Variants in MAP7 observed in about 807,000 individuals in gnomAD.
MAP7 encodes ensconsin.
Under a neutral mutation model 94.8 loss-of-function variants are expected in MAP7, and 52 were observed. The observed-to-expected ratio is 0.55, with a 90% CI of 0.44 to 0.69. The LOEUF is 0.69. Ranked by LOEUF, MAP7 falls within the 30% of genes least tolerant of loss-of-function variation. MAP7 has a pLI of 0.00. For missense variants in MAP7, 940 were observed against 964.6 expected (o/e 0.97, Z 0.34); for synonymous variants, 350 against 357.0 (o/e 0.98, Z 0.22).
At chr6:136,524,650 T>G (rs1827337321) in intron 1 of MAP7, among the ~76,000 whole-genome samples, 1 of 152,244 alleles carries the variant, frequency 6.6e-6, no homozygotes, top group Admixed American at 6.5e-5. Flanking sequence ...CTGTGTACTG[T>G]CTCATAAAAA....
At chr6:136,497,379 C>A (rs370562119) in intron 1 of MAP7, among the ~76,000 whole-genome samples, 1 of 151,944 alleles carries the variant, frequency 6.6e-6, no homozygotes, top group Admixed American at 6.6e-5. Context: ...GGTAGTTTAT[C>A]TTTGCAGGTG....
chr6:136,446,271 C>T (rs755171191), intron 1 of MAP7, among the ~76,000 whole-genome samples: 15 of 150,578 alleles, frequency 1.0e-4, no homozygotes, highest in Non-Finnish European at 1.9e-4. Flanking sequence ...GTGGATAGGG[C>T]GCAGCGTAGG....
intron 1 of MAP7, among the ~76,000 whole-genome samples, chr6:136,488,428 T>C (rs1024073520): frequency 3.3e-5 from 5 of 151,432 alleles, no homozygotes; most frequent in Admixed American, 6.6e-5. Context: ...ATTCTTGCTA[T>C]GTGCCATGCT....
At chr6:136,401,765 G>T (rs186093699) in intron 3 of MAP7, among the ~76,000 whole-genome samples, 4 of 148,500 alleles carry the variant, frequency 2.7e-5, no homozygotes, top group East Asian at 3.9e-4. Flanking sequence ...ATGTACCCAA[G>T]AACTTAAAGT....
At chr6:136,402,390 T>G (rs991786145) in intron 3 of MAP7, among the ~76,000 whole-genome samples, 1 of 152,230 alleles carries the variant, frequency 6.6e-6, no homozygotes, top group Non-Finnish European at 1.5e-5. Flanking sequence ...ACTCAAAGCC[T>G]TCTCAACTTG....
intron 1 of MAP7, among the ~76,000 whole-genome samples, chr6:136,452,193 CAAACA>C (rs71006801): frequency 0.037 from 5,377 of 145,662 alleles, 281 homozygotes; most frequent in African/African-American, 0.11. Flanking sequence ...GACTCCGTCT[CAAACA>C]AAACAAAACA....
At chr6:136,441,556 C>G (rs367880181) in intron 1 of MAP7, among the ~76,000 whole-genome samples, 19 of 152,136 alleles carry the variant, frequency 1.2e-4, no homozygotes, top group East Asian at 7.7e-4. Context: ...ATTCTTCCTT[C>G]CCCTTTTTTG....
At chr6:136,376,223 A>C (rs1250150763) in intron 7 of MAP7, among the ~76,000 whole-genome samples, 1 of 151,714 alleles carries the variant, frequency 6.6e-6, no homozygotes. Context: ...CTCAGCCTCC[A>C]CAGTAGCTGG....
intron 1 of MAP7, among the ~76,000 whole-genome samples, chr6:136,502,572 G>C (rs1473332932): frequency 6.6e-6 from 1 of 152,196 alleles, no homozygotes; most frequent in Non-Finnish European, 1.5e-5. Flanking sequence ...GGATGAATGT[G>C]GCATTCCTGC....
chr6:136,395,159 C>T (rs1022023096), intron 3 of MAP7, among the ~76,000 whole-genome samples: 2 of 151,162 alleles, frequency 1.3e-5, no homozygotes, highest in South Asian at 4.2e-4. Flanking sequence ...TCTTCCATAG[C>T]GGCTACACTA....
In MAP7 at chr6:136,454,272, GATCTATCTATCTATCT is replaced by G. The variant is rs57308742; in HGVS notation, c.68-32489_68-32474del. On this transcript the variant is annotated intron_variant, in intron 1 of 17. Transcript: ENST00000354570. ...CATGAAGACTTAACCCTACCTAAAT[GATCTATCTATCTATCT>G]ATCTATCTATCTATCTATCTATCTA... Among the ~76,000 whole-genome samples, 73 of 141,472 alleles carry G rather than the reference GATCTATCTATCTATCT, an allele frequency of 5.2e-4. 1 individual carries two copies. The highest frequency in any genetic ancestry group is 1.5e-3 in the African/African-American group (58 of 37,464). The allele number at this position is 141,472 out of a possible 152,430, so 92.8% of individuals were successfully genotyped here.
intron 2 of MAP7, among the ~76,000 whole-genome samples, chr6:136,415,241 A>C (rs1788992708): frequency 6.6e-6 from 1 of 152,168 alleles, no homozygotes; most frequent in African/African-American, 2.4e-5. Flanking sequence ...AAACTGCCGC[A>C]CCCAGCCTCA....
At chr6:136,493,217 G>T (rs202099039) in intron 1 of MAP7, among the ~76,000 whole-genome samples, 1 of 150,210 alleles carries the variant, frequency 6.7e-6, no homozygotes, top group East Asian at 2.0e-4. Flanking sequence ...CTGCCTCCTG[G>T]GTTCAAGCGA....
At chr6:136,508,869 A>G (rs1281504064) in intron 1 of MAP7, among the ~76,000 whole-genome samples, 1 of 152,216 alleles carries the variant, frequency 6.6e-6, no homozygotes, top group African/African-American at 2.4e-5. Context: ...GAATGACTAC[A>G]TAGGTTTCAC....
intron 3 of MAP7, among the ~76,000 whole-genome samples, chr6:136,395,842 C>T (rs1374986404): frequency 6.6e-6 from 1 of 152,024 alleles, no homozygotes; most frequent in Non-Finnish European, 1.5e-5. Flanking sequence ...TTCTTGGTAC[C>T]TTTGTTGAAA....
intron 3 of MAP7, among the ~76,000 whole-genome samples, chr6:136,409,535 G>C (rs1204825472): frequency 6.6e-6 from 1 of 152,144 alleles, no homozygotes; most frequent in Non-Finnish European, 1.5e-5. Context: ...AAGCATGTTG[G>C]GTCTCTCAGC....
At chr6:136,525,351 G>A (rs992684365) in intron 1 of MAP7, among the ~76,000 whole-genome samples, 4 of 152,144 alleles carry the variant, frequency 2.6e-5, no homozygotes, top group African/African-American at 9.7e-5. Context: ...AGTATAGAAA[G>A]GGAAGTGACA....
At chr6:136,534,204 T>C (rs1051753946) in intron 1 of MAP7, among the ~76,000 whole-genome samples, 10 of 152,224 alleles carry the variant, frequency 6.6e-5, no homozygotes, top group African/African-American at 2.2e-4. Context: ...ATATAAAGAC[T>C]TATTTTAAGG....
chr6:136,357,492 C>T (rs538001592), intron 15 of MAP7, among the ~76,000 whole-genome samples: 1 of 152,234 alleles, frequency 6.6e-6, no homozygotes, highest in African/African-American at 2.4e-5. Context: ...CCCCTCACCC[C>T]CTTGCCCCCT....
Sources: allele counts gnomAD v4.1 joint callset (sites outside exome capture counted in the v4.1 genomes callset), GRCh38; gene constraint gnomAD v4.1.1; transcripts MANE v1.5; gene names NCBI Gene and HGNC (gene_info 2026-07-23, HGNC 2026-07-21).